SV2C: variants seen among roughly 807,000 people sequenced by gnomAD.
SV2C encodes synaptic vesicle glycoprotein 2C.
In SV2C, 49 loss-of-function variants were observed where a neutral mutation model predicts 79.7. That is an observed-to-expected ratio of 0.61 (90% CI 0.49 to 0.78). SV2C has a LOEUF of 0.78. Ranked by LOEUF, SV2C falls within the 30% of genes least tolerant of loss-of-function variation. SV2C has a pLI of 0.00. For missense variants in SV2C, 833 were observed against 912.9 expected, an observed-to-expected ratio of 0.91 and a Z score of 1.13; for synonymous variants, 334 against 333.2, an observed-to-expected ratio of 1.00 and a Z score of -0.03.
chr5:75,986,213 A>G, the SV2C span, among the ~76,000 whole-genome samples: 2 of 151,642 alleles, frequency 1.3e-5, no homozygotes, highest in Non-Finnish European at 2.9e-5. Flanking sequence ...AACTTTGCAT[A>G]TATGATTAAG....
In SV2C at chr5:76,326,946, A is replaced by G. The variant is rs1749027826; in HGVS notation, c.*1399A>G. On this transcript the variant is annotated 3_prime_UTR_variant, in exon 13 of 13. Coordinates refer to ENST00000502798, the MANE Select transcript of SV2C (RefSeq NM_014979.4). ...AACCTTCCTTGTAGACTTGCAGCCA[A>G]TGACCAGAAGCCAGGAATAAATCCC... The G allele has an allele frequency of 1.3e-5, 2 of 152,216 alleles. No homozygotes were observed. 9.4% of individuals were successfully genotyped at this position (152,216 alleles called of 1,614,324 possible). A position where few individuals can be genotyped will look rare whatever the true frequency, so the allele number is the denominator to read the frequency against.
At chr5:75,984,567 A>ATCTATCTATATCTATCTGTC in the SV2C span, among the ~76,000 whole-genome samples, 1 of 102,920 alleles carries the variant, frequency 9.7e-6, no homozygotes, top group African/African-American at 2.9e-5. Context: ...CTATCTATCT[A>ATCTATCTATATCTATCTGTC]TATCTATCTA....
chr5:76,268,317 G>A (rs904003188), intron 4 of SV2C, among the ~76,000 whole-genome samples: 1 of 152,182 alleles, frequency 6.6e-6, no homozygotes, highest in Non-Finnish European at 1.5e-5. Context: ...GAGAGACAAT[G>A]AATACTGGTG....
intron 4 of SV2C, among the ~76,000 whole-genome samples, chr5:76,225,321 A>G (rs1292041560): frequency 6.6e-6 from 1 of 152,220 alleles, no homozygotes; most frequent in Admixed American, 6.5e-5. Flanking sequence ...TGCATGATCC[A>G]CTTCTTCCTC....
In SV2C at chr5:76,150,138, G is replaced by T. The variant is rs532176682; in HGVS notation, c.580+17808G>T. Among the ~76,000 whole-genome samples the T allele has an allele frequency of 2.0e-5, 3 of 152,074 alleles. No homozygotes were observed. The South Asian group carries it at 6.2e-4, about 32-fold the overall frequency. ...CATAAACATGCACACTCAAATGAAG[G>T]CAGATTATGTAGGTGACAGGTGGTC... On this transcript the variant is annotated intron_variant, in intron 2 of 12. Coordinates refer to ENST00000502798, the MANE Select transcript of SV2C (RefSeq NM_014979.4).
At chr5:76,253,668 G>C (rs1356513837) in intron 4 of SV2C, among the ~76,000 whole-genome samples, 1 of 141,660 alleles carries the variant, frequency 7.1e-6, no homozygotes, top group Non-Finnish European at 1.5e-5. Flanking sequence ...CCGTTTCTGG[G>C]ACAGTTCTAT....
the SV2C span, among the ~76,000 whole-genome samples, chr5:75,876,765 T>C: frequency 6.6e-6 from 1 of 152,188 alleles, no homozygotes; most frequent in Non-Finnish European, 1.5e-5. Flanking sequence ...TGGATTCTGA[T>C]AAGATGTGTA....
At chr5:75,963,235 C>T in the SV2C span, among the ~76,000 whole-genome samples, 1 of 152,144 alleles carries the variant, frequency 6.6e-6, no homozygotes, top group South Asian at 2.1e-4. Flanking sequence ...TTGTACTGCA[C>T]TGCTAGGCTA....
chr5:76,016,650 A>G, the SV2C span, among the ~76,000 whole-genome samples: 4 of 152,308 alleles, frequency 2.6e-5, no homozygotes, highest in African/African-American at 4.8e-5. Flanking sequence ...TTGTGTGATG[A>G]TGTAATGAGT....
the SV2C span, among the ~76,000 whole-genome samples, chr5:75,998,278 A>G: frequency 3.9e-5 from 6 of 152,164 alleles, no homozygotes; most frequent in African/African-American, 1.4e-4. Context: ...CCAACATGGC[A>G]CATGTATACA....
rs1460052532 is a variant in SV2C, at chr5:76,279,762, G to A, written c.914-5400G>A. On this transcript the variant is annotated intron_variant, in intron 4 of 12. Coordinates refer to ENST00000502798, the MANE Select transcript of SV2C (RefSeq NM_014979.4). The stretch of plus-strand genomic sequence containing the variant: ...GCAGCTGGAGAAGCCTGTGGGAGTG[G>A]AGGAAGGGCTCTTTCTCAGGTGTCA... Among the ~76,000 whole-genome samples, 4 of 152,282 alleles carry A rather than the reference G, an allele frequency of 2.6e-5. No individual in the cohort carries two copies. The Middle Eastern group carries it at 0.01, about 388-fold the overall frequency.
chr5:76,108,351 G>A lies in SV2C; in HGVS notation c.-101-23299G>A, dbSNP rs141517252. Among the ~76,000 whole-genome samples the A allele has an allele frequency of 1.9e-3, 291 of 152,240 alleles. 1 individual carries two copies. Among genetic ancestry groups the A allele is most frequent in the African/African-American group, 6.0e-3 (248 of 41,546 alleles). On this transcript the variant is annotated intron_variant, in intron 1 of 12. Coordinates refer to ENST00000502798, the MANE Select transcript of SV2C (RefSeq NM_014979.4). ...AAGAGATAAAATTGGAGTGATGTGC[G>A]TTCTCTAGGGATAAAAGAGGACACA...
chr5:76,313,773 G>A (rs780657887), intron 12 of SV2C, among the ~76,000 whole-genome samples: 4 of 152,158 alleles, frequency 2.6e-5, no homozygotes, highest in Non-Finnish European at 4.4e-5. Flanking sequence ...CTTGGAGGAC[G>A]CTTGTATGTT....
chr5:76,122,832 A>G (rs1415157142), intron 1 of SV2C, among the ~76,000 whole-genome samples: 1 of 152,100 alleles, frequency 6.6e-6, no homozygotes, highest in Non-Finnish European at 1.5e-5. Context: ...GCAAGACCAA[A>G]CACATTCAAA....
At chr5:76,157,753 A>G (rs1742776507) in intron 2 of SV2C, among the ~76,000 whole-genome samples, 1 of 151,902 alleles carries the variant, frequency 6.6e-6, no homozygotes, top group Admixed American at 6.6e-5. Context: ...ACATAACAAA[A>G]GATATAAATA....
chr5:75,944,140 C>G, the SV2C span, among the ~76,000 whole-genome samples: 1 of 152,136 alleles, frequency 6.6e-6, no homozygotes, highest in Non-Finnish European at 1.5e-5. Context: ...ACCTCAGCCT[C>G]CTGAGTAGCT....
At position 76,285,854 on chromosome 5, in the gene SV2C, C is replaced by T; in HGVS notation, c.1121C>T (p.Pro374Leu). ...HDTNMRARGQ[P>L]EKVFTVNKIK... The stretch of plus-strand genomic sequence containing the variant: ...ACCAACATGAGAGCCCGGGGTCAGC[C>T]TGAGAAGGTCTTCACGGTGAGTCTT... Residue 374 changes from proline to leucine, a missense_variant, in exon 6 of 13, where the codon CCT becomes CTT. By Grantham distance (98) the Pro-to-Leu change is moderately conservative. Coordinates refer to ENST00000502798, the MANE Select transcript of SV2C (RefSeq NM_014979.4). 2 of 1,613,998 alleles carry T rather than the reference C, an allele frequency of 1.2e-6. No homozygotes were observed. The highest frequency in any genetic ancestry group is 1.7e-6 in the Non-Finnish European group (2 of 1,179,948).
the SV2C span, among the ~76,000 whole-genome samples, chr5:75,888,847 G>C: frequency 6.6e-6 from 1 of 151,982 alleles, no homozygotes; most frequent in Non-Finnish European, 1.5e-5. Context: ...ATATTAGTTT[G>C]TTAGGGCTAC....
chr5:76,134,190 A>T (rs1219274236), intron 2 of SV2C, among the ~76,000 whole-genome samples: 2 of 152,192 alleles, frequency 1.3e-5, no homozygotes, highest in Non-Finnish European at 2.9e-5. Context: ...AGATATTCTC[A>T]TCTGCCCATA....
Sources: allele counts gnomAD v4.1 joint callset (sites outside exome capture counted in the v4.1 genomes callset), GRCh38; gene constraint gnomAD v4.1.1; transcripts MANE v1.5; gene names NCBI Gene and HGNC (gene_info 2026-07-23, HGNC 2026-07-21).